The following CHLSN variants were observed in gnomAD, a reference collection of about 807,000 sequenced individuals.
The protein encoded by CHLSN is protein cholesin.
the CHLSN span, chr7:1,045,950 A>G: frequency 6.6e-6 from 1 of 152,306 alleles, no homozygotes; most frequent in Non-Finnish European, 1.5e-5. Flanking sequence ...GATTTAGGGC[A>G]GAATGTAAAT....
At chr7:1,019,981 G>A in the CHLSN span, among the ~76,000 whole-genome samples, 68 of 152,344 alleles carry the variant, frequency 4.5e-4, no homozygotes, top group African/African-American at 1.5e-3. Flanking sequence ...AGCTTAGGAC[G>A]CTCGGCTCTC....
the CHLSN span, among the ~76,000 whole-genome samples, chr7:1,022,610 G>A: frequency 6.6e-6 from 1 of 152,118 alleles, no homozygotes. Flanking sequence ...GACCACATTC[G>A]GATCCGGACT....
At chr7:1,133,392 CA>C in the CHLSN span, among the ~76,000 whole-genome samples, 3,788 of 91,024 alleles carry the variant, frequency 0.042, 87 homozygotes, top group African/African-American at 0.1. Context: ...CGATATACTG[CA>C]AAAAAAAAAA....
chr7:1,000,365 G>A, the CHLSN span: 1 of 971,788 alleles, frequency 1.0e-6, no homozygotes, highest in Non-Finnish European at 1.5e-6. Context: ...CGGGAGACGT[G>A]CCTGCCCCGC....
the CHLSN span, chr7:1,093,662 C>A: frequency 2.1e-6 from 1 of 471,064 alleles, no homozygotes; most frequent in Admixed American, 2.3e-5. Flanking sequence ...ATGAAATACT[C>A]CAGCACCTGT....
At chr7:1,085,332 A>ATCTT in the CHLSN span, among the ~76,000 whole-genome samples, 1 of 152,240 alleles carries the variant, frequency 6.6e-6, no homozygotes, top group South Asian at 2.1e-4. Context: ...GCCTGAAAAG[A>ATCTT]TGACTATTGA....
At chr7:1,121,258 C>A in the CHLSN span, among the ~76,000 whole-genome samples, 1 of 151,736 alleles carries the variant, frequency 6.6e-6, no homozygotes, top group African/African-American at 2.4e-5. Flanking sequence ...CGGCATGCAG[C>A]AGTCAGACAG....
chr7:980,814 A>G, the CHLSN span, among the ~76,000 whole-genome samples: 1 of 151,042 alleles, frequency 6.6e-6, no homozygotes, highest in Admixed American at 6.6e-5. Context: ...CAGCCTCCTG[A>G]GTAGCTGGGA....
the CHLSN span, among the ~76,000 whole-genome samples, chr7:986,171 G>A: frequency 2.0e-5 from 3 of 152,178 alleles, no homozygotes; most frequent in Non-Finnish European, 4.4e-5. Context: ...CCAGGAAGGC[G>A]AGTGGCACGA....
chr7:1,042,152 C>T, the CHLSN span, among the ~76,000 whole-genome samples: 1,880 of 152,234 alleles, frequency 0.012, 38 homozygotes, highest in African/African-American at 0.04. Context: ...ACCCCCCACC[C>T]GCAACACACA....
chr7:1,120,584 T>C, the CHLSN span, among the ~76,000 whole-genome samples: 3 of 152,172 alleles, frequency 2.0e-5, no homozygotes, highest in East Asian at 5.8e-4. Context: ...CGAGCCACCG[T>C]ACCTGGCCAG....
the CHLSN span, among the ~76,000 whole-genome samples, chr7:1,106,537 C>G: frequency 6.6e-6 from 1 of 152,184 alleles, no homozygotes; most frequent in Non-Finnish European, 1.5e-5. Flanking sequence ...CTGCTGGCAG[C>G]ATAGACGGAT....
chr7:1,005,405 C>T, the CHLSN span, among the ~76,000 whole-genome samples: 3 of 152,252 alleles, frequency 2.0e-5, no homozygotes, highest in African/African-American at 4.8e-5. Context: ...GCAGCCACAG[C>T]GTCCACGTGC....
At chr7:1,001,538 G>A in the CHLSN span, among the ~76,000 whole-genome samples, 1 of 139,504 alleles carries the variant, frequency 7.2e-6, no homozygotes, top group Non-Finnish European at 1.6e-5. Context: ...TGTGGGTGGG[G>A]AGTCCTGTGG....
the CHLSN span, among the ~76,000 whole-genome samples, chr7:1,131,722 C>T: frequency 6.6e-6 from 1 of 152,120 alleles, no homozygotes; most frequent in Non-Finnish European, 1.5e-5. Context: ...ATTTACACAC[C>T]CATTACTATA....
At chr7:1,091,824 C>A in the CHLSN span, 2 of 1,601,064 alleles carry the variant, frequency 1.2e-6, no homozygotes, top group Non-Finnish European at 1.7e-6. Flanking sequence ...CCGAGCTCAA[C>A]CTGTCCCACC....
At chr7:1,055,419 G>A in the CHLSN span, 200 of 468,366 alleles carry the variant, frequency 4.3e-4, no homozygotes, top group African/African-American at 3.6e-3. Flanking sequence ...CCTCTGTCCC[G>A]CCATGCTGCT....
At chr7:1,097,640 A>G in the CHLSN span, among the ~76,000 whole-genome samples, 1 of 152,200 alleles carries the variant, frequency 6.6e-6, no homozygotes, top group Admixed American at 6.5e-5. The surrounding 1 kb of genome is among the most constrained non-coding windows in gnomAD (Gnocchi z 4.3). Context: ...CTCAGGGGGC[A>G]GTGAGGTGCA....
chr7:1,061,472 C>A, the CHLSN span, among the ~76,000 whole-genome samples: 1 of 152,162 alleles, frequency 6.6e-6, no homozygotes. Context: ...AGACCCTCCA[C>A]TGAGCGCCAA....
Sources: gnomAD v4.1 joint callset for allele counts (sites outside exome capture counted in the v4.1 genomes callset) on GRCh38, gnomAD v4.1.1 for gene constraint, Gnocchi (gnomAD v3.1) non-coding constraint, MANE v1.5 for transcripts, NCBI Gene and HGNC (gene_info 2026-07-23, HGNC 2026-07-21) for gene names.